NTRK3: variants seen among roughly 807,000 people sequenced by gnomAD.
NTRK3 encodes the protein neurotrophic receptor tyrosine kinase 3, also known as NT-3 growth factor receptor.
In NTRK3, 24 loss-of-function variants were observed where a neutral mutation model predicts 91.7. The observed-to-expected ratio is 0.26, with a 90% confidence interval of 0.19 to 0.37. The LOEUF (loss-of-function observed/expected upper bound fraction) is 0.37, where lower values mean the gene tolerates loss of function less well. Ranked by LOEUF, NTRK3 falls within the 10% of genes least tolerant of loss-of-function variation. The pLI is 1.00. For missense variants in NTRK3, 880 were observed against 1,068.9 expected, an observed-to-expected ratio of 0.82 and a Z score of 2.46; for synonymous variants, 483 against 404.0, an observed-to-expected ratio of 1.20 and a Z score of -2.34.
intron 5 of NTRK3, among the ~76,000 whole-genome samples, chr15:88,170,224 G>A (rs1371763780): frequency 2.0e-5 from 3 of 152,174 alleles, no homozygotes; most frequent in African/African-American, 7.2e-5. Flanking sequence ...ATGATTACAT[G>A]CCAGCTTCAA....
intron 14 of NTRK3, among the ~76,000 whole-genome samples, chr15:88,009,337 G>A (rs960394333): frequency 6.6e-6 from 1 of 152,166 alleles, no homozygotes; most frequent in Admixed American, 6.5e-5. Context: ...AAAGCCAGGT[G>A]AGCAGTGTAG....
chr15:87,901,587 C>T (rs545252590), intron 17 of NTRK3, among the ~76,000 whole-genome samples: 3 of 152,322 alleles, frequency 2.0e-5, no homozygotes, highest in Admixed American at 6.5e-5. Flanking sequence ...AAGTTCTTGT[C>T]CCAGTGAACA....
chr15:88,205,373 C>T (rs1438377299), intron 3 of NTRK3, among the ~76,000 whole-genome samples: 1 of 152,180 alleles, frequency 6.6e-6, no homozygotes, highest in Non-Finnish European at 1.5e-5. Context: ...TCCCATCTCA[C>T]CAGCCAGGCC....
chr15:88,254,118 C>T (rs113026165), intron 3 of NTRK3, among the ~76,000 whole-genome samples: 6 of 152,158 alleles, frequency 3.9e-5, no homozygotes, highest in Admixed American at 3.9e-4. Flanking sequence ...CCTTGGCCCA[C>T]CCCTGGCAAT....
chr15:87,907,820 C>T (rs955433006), intron 17 of NTRK3, among the ~76,000 whole-genome samples: 16 of 152,164 alleles, frequency 1.1e-4, no homozygotes, highest in African/African-American at 3.4e-4. Flanking sequence ...GATGGAACTT[C>T]GACTGACTCT....
intron 14 of NTRK3, among the ~76,000 whole-genome samples, chr15:87,961,982 C>T (rs1056808632): frequency 6.6e-6 from 1 of 152,250 alleles, no homozygotes; most frequent in Non-Finnish European, 1.5e-5. Context: ...GTCCCTCTCT[C>T]GGCCTGGCAG....
At chr15:88,256,070 G>A (rs778629850) in exon 3 of NTRK3, 2 of 1,613,354 alleles carry the variant, frequency 1.2e-6, no homozygotes, top group South Asian at 1.1e-5. Flanking sequence ...AAGCCAGCAC[G>A]GAGCCCACAT....
At chr15:87,893,835 G>A (rs949785680) in intron 17 of NTRK3, among the ~76,000 whole-genome samples, 2 of 152,078 alleles carry the variant, frequency 1.3e-5, no homozygotes, top group African/African-American at 4.8e-5. Context: ...GGATTCACAG[G>A]GCATAATATT....
intron 15 of NTRK3, among the ~76,000 whole-genome samples, chr15:87,940,353 C>T (rs906622429): frequency 1.3e-5 from 2 of 152,194 alleles, no homozygotes; most frequent in Non-Finnish European, 2.9e-5. Flanking sequence ...GAGGTAACCA[C>T]AGGGCCACTA....
intron 6 of NTRK3, among the ~76,000 whole-genome samples, chr15:88,146,504 T>G (rs1358193212): frequency 6.6e-6 from 1 of 152,214 alleles, no homozygotes; most frequent in Non-Finnish European, 1.5e-5. Flanking sequence ...AATTTATTCC[T>G]TGATTTATAC....
At chr15:87,892,083 A>ACACACACACAC (rs2065880934) in intron 17 of NTRK3, among the ~76,000 whole-genome samples, 1 of 141,342 alleles carries the variant, frequency 7.1e-6, no homozygotes, top group Non-Finnish European at 1.5e-5. Context: ...CCCCATCCCC[A>ACACACACACAC]ACACACACAC....
chr15:88,006,461 A>G (rs1403753509), intron 14 of NTRK3, among the ~76,000 whole-genome samples: 6 of 152,194 alleles, frequency 3.9e-5, no homozygotes, highest in Non-Finnish European at 1.5e-5. Context: ...AGAGATCATC[A>G]TGCACAACTG....
At chr15:87,999,731 GGAATTCT>G (rs1323345050) in intron 14 of NTRK3, among the ~76,000 whole-genome samples, 1 of 152,132 alleles carries the variant, frequency 6.6e-6, no homozygotes, top group Non-Finnish European at 1.5e-5. Context: ...ATAGGCTCAT[GGAATTCT>G]GAATTCAGAT....
intron 3 of NTRK3, among the ~76,000 whole-genome samples, chr15:88,196,545 A>G (rs1469372613): frequency 6.6e-6 from 1 of 152,186 alleles, no homozygotes; most frequent in Non-Finnish European, 1.5e-5. Flanking sequence ...AGGAAATGAT[A>G]TTCACCCTTG....
intron 13 of NTRK3, among the ~76,000 whole-genome samples, chr15:88,087,228 C>T: frequency 6.6e-6 from 1 of 152,162 alleles, no homozygotes; most frequent in East Asian, 1.9e-4. Context: ...AACAGTACTG[C>T]AGAGTAAATA....
chr15:87,955,906 G>C (rs1475605686), intron 14 of NTRK3, among the ~76,000 whole-genome samples: 1 of 152,070 alleles, frequency 6.6e-6, no homozygotes, highest in Non-Finnish European at 1.5e-5. Flanking sequence ...ACTGGGCTAG[G>C]GTCTCCAGCA....
intron 3 of NTRK3, among the ~76,000 whole-genome samples, chr15:88,239,889 G>A (rs902455914): frequency 2.6e-5 from 4 of 152,136 alleles, no homozygotes; most frequent in African/African-American, 7.2e-5. Flanking sequence ...GACTCGATGC[G>A]AATTCTCAGG....
intron 14 of NTRK3, among the ~76,000 whole-genome samples, chr15:88,027,952 T>C (rs958179250): frequency 1.3e-5 from 2 of 152,074 alleles, no homozygotes; most frequent in African/African-American, 4.8e-5. Context: ...CCCATTGCGA[T>C]AGCATGGGGC....
At chr15:88,012,115 G>T (rs2076921910) in intron 14 of NTRK3, among the ~76,000 whole-genome samples, 1 of 152,168 alleles carries the variant, frequency 6.6e-6, no homozygotes, top group Non-Finnish European at 1.5e-5. Context: ...GCAGCATGAA[G>T]GAGAGAGCAT....
Sources: gnomAD v4.1 joint callset for allele counts (sites outside exome capture counted in the v4.1 genomes callset) on GRCh38, gnomAD v4.1.1 for gene constraint, MANE v1.5 for transcripts, NCBI Gene and HGNC (gene_info 2026-07-23, HGNC 2026-07-21) for gene names.